FSTL4: variants seen among roughly 807,000 people sequenced by gnomAD.
FSTL4 encodes the protein follistatin like 4.
FSTL4 carries 28 observed loss-of-function variants against 78.2 expected under a neutral mutation model. That is an observed-to-expected ratio of 0.36 (90% CI 0.27 to 0.49). The LOEUF (loss-of-function observed/expected upper bound fraction) is 0.49. Among genes scored for constraint, FSTL4 ranks in the 20% least tolerant of loss-of-function variants. FSTL4 has a pLI of 0.98. For missense variants in FSTL4, 922 were observed against 1,084.9 expected (o/e 0.85, Z 2.11); for synonymous variants, 422 against 440.5 (o/e 0.96, Z 0.53).
chr5:133,741,098 A>G, the FSTL4 span, among the ~76,000 whole-genome samples: 1 of 152,200 alleles, frequency 6.6e-6, no homozygotes, highest in Non-Finnish European at 1.5e-5. Context: ...GGGTTGGCAT[A>G]ACTAGAATGA....
intron 6 of FSTL4, among the ~76,000 whole-genome samples, chr5:133,262,748 TC>T (rs1368520085): frequency 2.0e-5 from 3 of 152,166 alleles, no homozygotes; most frequent in African/African-American, 7.2e-5. Context: ...AAGAAGCTTC[TC>T]CAAGAGGCCC....
At chr5:133,211,819 C>G (rs143486658) in intron 13 of FSTL4, among the ~76,000 whole-genome samples, 2 of 152,290 alleles carry the variant, frequency 1.3e-5, no homozygotes, top group African/African-American at 4.8e-5. Context: ...ACCCTCTATA[C>G]TCTGATGACT....
chr5:133,474,141 G>A (rs144999263), intron 3 of FSTL4, among the ~76,000 whole-genome samples: 1 of 152,288 alleles, frequency 6.6e-6, no homozygotes, highest in East Asian at 1.9e-4. Context: ...TCTTCAGGGG[G>A]AGCTGAGACA....
At chr5:133,367,798 G>C (rs1755209366) in intron 4 of FSTL4, among the ~76,000 whole-genome samples, 1 of 152,252 alleles carries the variant, frequency 6.6e-6, no homozygotes, top group Non-Finnish European at 1.5e-5. Flanking sequence ...TGGTTTTAAA[G>C]AGCCTGCCAG....
intron 3 of FSTL4, among the ~76,000 whole-genome samples, chr5:133,545,016 C>T (rs1208754571): frequency 6.6e-6 from 1 of 152,120 alleles, no homozygotes; most frequent in Non-Finnish European, 1.5e-5. Context: ...GGAGAAAATC[C>T]TTGGAGTAAT....
chr5:133,735,493 A>T, the FSTL4 span, among the ~76,000 whole-genome samples: 1 of 152,076 alleles, frequency 6.6e-6, no homozygotes, highest in African/African-American at 2.4e-5. Flanking sequence ...GCCACAGCTC[A>T]TTCCTCACGA....
At chr5:133,745,517 T>G in the FSTL4 span, among the ~76,000 whole-genome samples, 1 of 152,172 alleles carries the variant, frequency 6.6e-6, no homozygotes, top group Non-Finnish European at 1.5e-5. Flanking sequence ...GAGACCCAAA[T>G]AGACACAAAT....
chr5:133,206,222 T>TA (rs1033227751), intron 14 of FSTL4, among the ~76,000 whole-genome samples: 10 of 152,220 alleles, frequency 6.6e-5, no homozygotes, highest in Admixed American at 3.9e-4. Context: ...GATTTTTCTT[T>TA]AAAAAATCCA....
At chr5:133,295,675 C>T (rs915860521) in intron 6 of FSTL4, among the ~76,000 whole-genome samples, 1 of 147,974 alleles carries the variant, frequency 6.8e-6, no homozygotes. Context: ...TAATACAAGT[C>T]TCTTTTCTTT....
intron 4 of FSTL4, among the ~76,000 whole-genome samples, chr5:133,320,793 G>A (rs555613356): frequency 1.3e-5 from 2 of 152,080 alleles, no homozygotes; most frequent in South Asian, 4.2e-4. Context: ...GGATCACGAG[G>A]TCAGGAGATT....
In FSTL4 at chr5:133,611,284, C is replaced by G. The variant is rs1253017008; in HGVS notation, c.-11+1041G>C. 6.6e-6 allele frequency among the ~76,000 whole-genome samples: 1 copy of G among 152,120 alleles called. No homozygotes were observed. The highest frequency in any genetic ancestry group is 1.5e-5 in the Non-Finnish European group (1 of 68,016). Reference sequence around the variant, plus strand: ...GCGCCGCGCGGAGGCTCGCCGCGCTCTGGAAAACAAGAAACCCCACTGCCT... The same window carrying G: ...GCGCCGCGCGGAGGCTCGCCGCGCTGTGGAAAACAAGAAACCCCACTGCCT... On this transcript the variant is annotated intron_variant, in intron 1 of 15. Coordinates refer to ENST00000265342, the MANE Select transcript of FSTL4 (RefSeq NM_015082.2). The surrounding 1 kb of genome is among the most constrained non-coding windows in gnomAD (Gnocchi z 4.9).
At chr5:133,378,214 G>C (rs563151537) in intron 4 of FSTL4, among the ~76,000 whole-genome samples, 1 of 152,204 alleles carries the variant, frequency 6.6e-6, no homozygotes, top group African/African-American at 2.4e-5. Flanking sequence ...CACTGGCAAA[G>C]ATAACTATGT....
At chr5:133,739,374 T>G in the FSTL4 span, among the ~76,000 whole-genome samples, 11 of 151,426 alleles carry the variant, frequency 7.3e-5, no homozygotes. Flanking sequence ...AGGCACCACG[T>G]AGGGAGTCGC....
chr5:133,518,914 C>A (rs570611258), intron 3 of FSTL4, among the ~76,000 whole-genome samples: 3 of 152,140 alleles, frequency 2.0e-5, no homozygotes, highest in African/African-American at 7.2e-5. Flanking sequence ...TATTCCCTGA[C>A]CCCCCATGGA....
At chr5:133,816,996 A>G in the FSTL4 span, among the ~76,000 whole-genome samples, 1 of 152,228 alleles carries the variant, frequency 6.6e-6, no homozygotes, top group African/African-American at 2.4e-5. Context: ...CTTGCTGCCC[A>G]CAGATACCCA....
At chr5:133,299,958 C>G (rs575405006) in intron 6 of FSTL4, among the ~76,000 whole-genome samples, 212 of 152,338 alleles carry the variant, frequency 1.4e-3, no homozygotes, top group African/African-American at 4.8e-3. Context: ...GCCACTATTG[C>G]TCCTTTTCCA....
intron 3 of FSTL4, among the ~76,000 whole-genome samples, chr5:133,482,714 T>C (rs780984355): frequency 1.8e-4 from 28 of 152,006 alleles, no homozygotes; most frequent in Non-Finnish European, 3.2e-4. Context: ...GGAGAAGGTG[T>C]TGGTATGCAC....
At chr5:133,615,798 G>A (rs898945419), upstream of FSTL4, among the ~76,000 whole-genome samples, 4 of 152,210 alleles carry the variant, frequency 2.6e-5, no homozygotes, top group Non-Finnish European at 5.9e-5. Context: ...CTAGCATGGA[G>A]ATAAGGTATT....
At chr5:133,363,247 G>A (rs995981721) in intron 4 of FSTL4, among the ~76,000 whole-genome samples, 2 of 152,096 alleles carry the variant, frequency 1.3e-5, no homozygotes, top group Non-Finnish European at 2.9e-5. Flanking sequence ...GGGCAGCAGC[G>A]ACAGGTACCA....
Sources: gnomAD v4.1 joint callset for allele counts (sites outside exome capture counted in the v4.1 genomes callset) on GRCh38, gnomAD v4.1.1 for gene constraint, Gnocchi (gnomAD v3.1) non-coding constraint, MANE v1.5 for transcripts, NCBI Gene and HGNC (gene_info 2026-07-23, HGNC 2026-07-21) for gene names.